The following DNAAF8 variants were observed in gnomAD, a reference collection of about 807,000 sequenced individuals.
The protein encoded by DNAAF8 is dynein axonemal-associated protein 1.
Under a neutral mutation model 54.6 loss-of-function variants are expected in DNAAF8, and 61 were observed. That is an observed-to-expected ratio of 1.12 (90% CI 0.91 to 1.38). DNAAF8 has a LOEUF of 1.38. Among genes scored for constraint, DNAAF8 ranks in the 40% most tolerant of loss-of-function variants. The pLI is 0.00. For missense variants in DNAAF8, 837 were observed against 665.0 expected, an observed-to-expected ratio of 1.26 and a Z score of -2.85; for synonymous variants, 320 against 270.1, an observed-to-expected ratio of 1.18 and a Z score of -1.81.
At chr16:4,745,721 C>G (rs1163484579) in intron 6 of DNAAF8, among the ~76,000 whole-genome samples, 1 of 152,174 alleles carries the variant, frequency 6.6e-6, no homozygotes, top group East Asian at 1.9e-4. Context: ...AAGGCCGAGG[C>G]AGGCAGATCA....
rs1260396891 is a variant in DNAAF8, at chr16:4,744,275, T to C, written c.902-595T>C. On this transcript the variant is annotated intron_variant, in intron 5 of 9. Transcript: ENST00000299320. ...AAGGCACATAACCCTTTAATCAAGC[T>C]ATTGCAATTAGAAAATCTGTCTTAC... 2.0e-5 allele frequency among the ~76,000 whole-genome samples: 3 copies of C among 152,194 alleles called. No homozygotes were observed. In the East Asian group the frequency reaches 5.8e-4, roughly 29 times the overall value.
chr16:4,737,159 G>A (rs2081909532), intron 2 of DNAAF8, among the ~76,000 whole-genome samples: 1 of 152,108 alleles, frequency 6.6e-6, no homozygotes, highest in Non-Finnish European at 1.5e-5. Flanking sequence ...TGCTCCTGGC[G>A]GGGGCTGCTC....
chr16:4,745,540 C>A lies in DNAAF8; in HGVS notation c.1043+529C>A, dbSNP rs760103051. ...GGGTCCCGTAAGGCCCCTCTATATGCCTGCCCTCCCCACACTTTGGTTGCT... is the reference window on the plus strand; with the variant it reads ...GGGTCCCGTAAGGCCCCTCTATATGACTGCCCTCCCCACACTTTGGTTGCT... On this transcript the variant is annotated intron_variant, in intron 6 of 9. Transcript: ENST00000299320. Among the ~76,000 whole-genome samples, 109 of 152,202 alleles carry A rather than the reference C, an allele frequency of 7.2e-4. 1 individual carries two copies. Among genetic ancestry groups the A allele is most frequent in the Non-Finnish European group, 1.2e-3 (84 of 68,040 alleles).
intron 6 of DNAAF8, 44 bp downstream of exon 6, chr16:4,745,055 G>A: frequency 6.3e-7 from 1 of 1,594,980 alleles, no homozygotes. Context: ...CCTTTAGAAT[G>A]GCCCCATGGT....
intron 4 of DNAAF8, among the ~76,000 whole-genome samples, chr16:4,741,233 CAAAAA>C (rs756159698): frequency 1.1e-4 from 8 of 70,840 alleles, no homozygotes; most frequent in African/African-American, 3.2e-4. Flanking sequence ...GACTCCATCT[CAAAAA>C]AAAAAAAAAA....
chr16:4,738,137 C>G (rs919043800), intron 3 of DNAAF8, 191 bp downstream of exon 3: 2 of 712,422 alleles, frequency 2.8e-6, no homozygotes. Flanking sequence ...CTGGGGAGCC[C>G]GGCACCTTAG....
chr16:4,745,851 G>C (rs2082008286), intron 6 of DNAAF8, among the ~76,000 whole-genome samples: 1 of 151,832 alleles, frequency 6.6e-6, no homozygotes, highest in Non-Finnish European at 1.5e-5. Context: ...TACTTGGGAG[G>C]CTGAGGCAGG....
rs759176240 is a variant in DNAAF8, at chr16:4,740,442, C to T, written c.566C>T (p.Ala189Val). The T allele has an allele frequency of 8.7e-6, 14 of 1,614,038 alleles. No homozygotes were observed. In the South Asian group the frequency reaches 1.4e-4, roughly 16 times the overall value. ...GDPKAEPLST[A>V]SQESVNRRAL... ...CCAAAGGCAGAGCCCCTCAGCACTGCCTCACAAGAATCTGTGAACCGCCGG... is the reference window on the plus strand; with the variant it reads ...CCAAAGGCAGAGCCCCTCAGCACTGTCTCACAAGAATCTGTGAACCGCCGG... Residue 189 changes from alanine to valine, a missense_variant, in exon 4 of 10, where the codon GCC (alanine) becomes GTC (valine). Transcript: ENST00000299320.
chr16:4,739,182 G>C (rs767425372), intron 3 of DNAAF8, among the ~76,000 whole-genome samples: 12 of 151,266 alleles, frequency 7.9e-5, no homozygotes, highest in Non-Finnish European at 1.5e-4. Context: ...GGGTTCAGGT[G>C]GAACAATTTG....
At chr16:4,739,265 G>GGTTT (rs1555482695) in intron 3 of DNAAF8, among the ~76,000 whole-genome samples, 3 of 69,030 alleles carry the variant, frequency 4.3e-5, no homozygotes, top group African/African-American at 5.4e-5. Flanking sequence ...ATTTTTTCTT[G>GGTTT]TTTTTTTTTT....
In DNAAF8 at chr16:4,746,957, G is replaced by A. The variant is rs1374594571; in HGVS notation, c.1212G>A (p.Glu404=). 1.9e-6 allele frequency: 3 copies of A among 1,552,008 alleles called. No individual in the cohort carries two copies. Among genetic ancestry groups the A allele is most frequent in the Admixed American group, 2.1e-5 (1 of 47,084 alleles). Residue 404 remains glutamate (E), a synonymous_variant, in exon 8 of 10, where the codon GAG becomes GAA. Transcript: ENST00000299320. The stretch of plus-strand genomic sequence containing the variant: ...GCCACAGCTCCTCTGACAGTGAGGA[G>A]GAGGAGGAGGAAGAGATGGCAGCTC... ...SSSHSSSDSE[E]EEEEEMAALG...
At chr16:4,746,088 G>A in intron 6 of DNAAF8, 1 of 320,802 alleles carries the variant, frequency 3.1e-6, no homozygotes, top group Non-Finnish European at 5.7e-6. Flanking sequence ...TTTATGCATT[G>A]GATTTAAACT....
chr16:4,739,265 G>GTTTTTTTTTGTTTTTTTTTTT (rs2081931784), intron 3 of DNAAF8, among the ~76,000 whole-genome samples: 1 of 69,030 alleles, frequency 1.4e-5, no homozygotes, highest in Non-Finnish European at 2.6e-5. Flanking sequence ...ATTTTTTCTT[G>GTTTTTTTTTGTTTTTTTTTTT]TTTTTTTTTT....
In DNAAF8 at chr16:4,736,656, T is replaced by C; in HGVS notation, c.129+13T>C. 6.5e-7 allele frequency: 1 copy of C among 1,546,054 alleles called. No individual in the cohort carries two copies. The highest frequency in any genetic ancestry group is 1.2e-5 in the South Asian group (1 of 83,696). ...AGACTCCCCTTTGGTAAGCAAGAAC[T>C]CTCTCCCTGGATGCCTTGTCCTTCC... On this transcript the variant is annotated intron_variant, in intron 2 of 9. Coordinates refer to ENST00000299320, the MANE Select transcript of DNAAF8 (RefSeq NM_139170.3).
At chr16:4,736,304 C>G (rs75894157) in intron 1 of DNAAF8, among the ~76,000 whole-genome samples, 160 bp from the exon 2 acceptor site, 4 of 151,936 alleles carry the variant, frequency 2.6e-5, no homozygotes, top group African/African-American at 4.8e-5. Context: ...CGTACACACA[C>G]AGTGCCTGGC....
chr16:4,736,493 G>T lies in DNAAF8; in HGVS notation c.-22G>T. 1 of 1,521,486 alleles carries T rather than the reference G, an allele frequency of 6.6e-7. No individual in the cohort carries two copies. 94.2% of individuals were successfully genotyped at this position (1,521,486 alleles called of 1,614,324 possible). Reference sequence around the variant, plus strand: ...CCCCGGATTATGGTGCACTGAGAAGGCATCTGGAAGCCTGGGCCCTCATGG... The same window carrying T: ...CCCCGGATTATGGTGCACTGAGAAGTCATCTGGAAGCCTGGGCCCTCATGG... On this transcript the variant is annotated 5_prime_UTR_variant, in exon 2 of 10. Transcript: ENST00000299320.
At chr16:4,739,158 C>T (rs572555908) in intron 3 of DNAAF8, among the ~76,000 whole-genome samples, 1 of 151,652 alleles carries the variant, frequency 6.6e-6, no homozygotes, top group East Asian at 1.9e-4. Flanking sequence ...CCCAGGGCAG[C>T]TAAGAACTCT....
chr16:4,737,754 T>A (rs1440884126), intron 2 of DNAAF8, 46 bp from the exon 3 acceptor site: 1 of 1,607,416 alleles, frequency 6.2e-7, no homozygotes, highest in South Asian at 1.1e-5. Context: ...CCCTCAGGGC[T>A]CTGCCTGCTG....
chr16:4,741,995 T>C (rs1046387128), intron 4 of DNAAF8, among the ~76,000 whole-genome samples: 1 of 152,228 alleles, frequency 6.6e-6, no homozygotes, highest in Non-Finnish European at 1.5e-5. Flanking sequence ...TCTTTACTAC[T>C]GTTTAAATCA....
Sources: allele counts gnomAD v4.1 joint callset (sites outside exome capture counted in the v4.1 genomes callset), GRCh38; gene constraint gnomAD v4.1.1; transcripts MANE v1.5; gene names NCBI Gene and HGNC (gene_info 2026-07-23, HGNC 2026-07-21).